EPG5: variants seen among roughly 807,000 people sequenced by gnomAD.
The protein encoded by EPG5 is ectopic P granules protein 5 homolog.
EPG5 carries 159 observed loss-of-function variants against 302.7 expected under a neutral mutation model. The ratio of observed to expected loss-of-function variants is 0.53; its 90% CI spans 0.46 to 0.60. The LOEUF (loss-of-function observed/expected upper bound fraction) is 0.60, where lower values mean the gene tolerates loss of function less well. Among genes scored for constraint, EPG5 ranks in the 20% least tolerant of loss-of-function variants. The pLI is 0.00. For synonymous variants in EPG5, 1,158 were observed against 1,136.8 expected, an observed-to-expected ratio of 1.02 and a Z score of -0.37; for missense variants, 2,896 against 3,092.4, an observed-to-expected ratio of 0.94 and a Z score of 1.51.
intron 27 of EPG5, among the ~76,000 whole-genome samples, chr18:45,893,860 T>C (rs911940809): frequency 6.6e-6 from 1 of 152,194 alleles, no homozygotes; most frequent in East Asian, 1.9e-4. Context: ...AAAGTTCCAA[T>C]TTCCATGATG....
chr18:45,868,670 A>G (rs1308820116), intron 36 of EPG5, among the ~76,000 whole-genome samples: 2 of 149,008 alleles, frequency 1.3e-5, no homozygotes, highest in Non-Finnish European at 3.0e-5. Context: ...CGCCCGGCCT[A>G]TATTCCCTTT....
rs200449609 is a variant in EPG5 at position 45,882,464 on chromosome 18, G to A, written c.5328C>T (p.Ser1776=). 194 of 1,613,272 alleles carry A rather than the reference G, an allele frequency of 1.2e-4. No individual in the cohort carries two copies. Among genetic ancestry groups the A allele is most frequent in the Non-Finnish European group, 1.6e-4 (185 of 1,179,762 alleles). ...LTKFDLKQWL[S]ATKPPLSDRT... is the part of the protein sequence containing the mutation. ...GATCAGACAGAGGAGGTTTAGTGGCGCTTAACCATTGTTTAAGATCGAACT... is the reference window on the plus strand; with the variant it reads ...GATCAGACAGAGGAGGTTTAGTGGCACTTAACCATTGTTTAAGATCGAACT... Residue 1776 remains serine (S), a synonymous_variant, in exon 31 of 44, where the codon AGC becomes AGT. Coordinates refer to ENST00000282041, the MANE Select transcript of EPG5 (RefSeq NM_020964.3).
the EPG5 span, among the ~76,000 whole-genome samples, chr18:45,800,949 G>A: frequency 6.6e-6 from 1 of 152,298 alleles, no homozygotes; most frequent in South Asian, 2.1e-4. Flanking sequence ...TTTGAAAGAG[G>A]TGGTGTATAG....
intron 10 of EPG5, among the ~76,000 whole-genome samples, chr18:45,938,846 T>A (rs1265656449): frequency 1.3e-5 from 2 of 152,028 alleles, no homozygotes; most frequent in Non-Finnish European, 2.9e-5. Context: ...CAACACAGAA[T>A]AAATCAGGGG....
rs556302361 is a variant in EPG5, at chr18:45,872,134, G to C, written c.6050-1392C>G. On this transcript the variant is annotated intron_variant, in intron 35 of 43. Coordinates refer to ENST00000282041, the MANE Select transcript of EPG5 (RefSeq NM_020964.3). ...ATGACTAAAACTTAATTAACCCTTG[G>C]TGCAATGAAACTAGTCCATTAACTG... is the stretch of plus-strand genomic sequence containing the variant. Among the ~76,000 whole-genome samples, 11 of 152,182 alleles carry C rather than the reference G, an allele frequency of 7.2e-5. No individual in the cohort carries two copies. The South Asian group carries it at 2.1e-3, about 29-fold the overall frequency.
At chr18:45,884,537 G>A (rs571772034) in intron 30 of EPG5, 80 bp downstream of exon 30, 1 of 1,323,454 alleles carries the variant, frequency 7.6e-7, no homozygotes, top group African/African-American at 1.5e-5. Flanking sequence ...AACTGCAGAG[G>A]TCCTTTTATT....
chr18:45,859,178 T>C (rs907174949), intron 40 of EPG5, among the ~76,000 whole-genome samples: 1 of 152,376 alleles, frequency 6.6e-6, no homozygotes. Context: ...TGAACACTTA[T>C]GCTTTCCGAC....
the EPG5 span, among the ~76,000 whole-genome samples, chr18:45,813,368 A>G: frequency 1.3e-5 from 2 of 152,336 alleles, no homozygotes; most frequent in Non-Finnish European, 2.9e-5. Flanking sequence ...CGATTTCTCA[A>G]GGATCTAGAG....
At chr18:45,825,142 G>A in the EPG5 span, among the ~76,000 whole-genome samples, 1 of 142,870 alleles carries the variant, frequency 7.0e-6, no homozygotes, top group African/African-American at 2.5e-5. Flanking sequence ...AAGGAGGGAG[G>A]GAGGGAGGGA....
chr18:45,943,397 G>A, intron 8 of EPG5, 86 bp from the exon 9 acceptor site: 3 of 1,174,444 alleles, frequency 2.6e-6, no homozygotes, highest in Non-Finnish European at 3.7e-6. Flanking sequence ...TTTTAATGAG[G>A]ACTCAAAGCC....
the EPG5 span, among the ~76,000 whole-genome samples, chr18:45,822,296 G>T: frequency 1.3e-5 from 2 of 152,134 alleles, no homozygotes; most frequent in African/African-American, 4.8e-5. Flanking sequence ...GAAACAAAAA[G>T]TTAAATACTG....
downstream of EPG5, among the ~76,000 whole-genome samples, chr18:45,846,650 G>C (rs1449641150): frequency 6.6e-6 from 1 of 152,030 alleles, no homozygotes; most frequent in Non-Finnish European, 1.5e-5. Context: ...TACCAGAAAG[G>C]GGTCCCGATC....
intron 27 of EPG5, among the ~76,000 whole-genome samples, chr18:45,896,388 C>A (rs1409377091): frequency 1.3e-5 from 2 of 152,164 alleles, no homozygotes; most frequent in Admixed American, 6.5e-5. Flanking sequence ...AAAAGTAAAA[C>A]CTGCTTTAAG....
At chr18:45,932,650 A>G (rs114969717) in intron 11 of EPG5, among the ~76,000 whole-genome samples, 559 of 152,342 alleles carry the variant, frequency 3.7e-3, no homozygotes, top group African/African-American at 0.013. Flanking sequence ...GATATATAAA[A>G]GATTAAGCAA....
intron 2 of EPG5, chr18:45,954,014 G>A: frequency 5.8e-6 from 4 of 686,348 alleles, no homozygotes; most frequent in Non-Finnish European, 7.2e-6. Context: ...CTGTCTGTAT[G>A]TGTCTGATTA....
chr18:45,889,346 T>C (rs901151353), intron 28 of EPG5, among the ~76,000 whole-genome samples: 6 of 152,224 alleles, frequency 3.9e-5, no homozygotes, highest in South Asian at 2.1e-4. Flanking sequence ...CCCTAAATAA[T>C]TGTGCTATGA....
chr18:45,810,164 G>A, the EPG5 span, among the ~76,000 whole-genome samples: 1 of 152,086 alleles, frequency 6.6e-6, no homozygotes, highest in Non-Finnish European at 1.5e-5. Context: ...GCTTAAATCA[G>A]GAAGAATTAA....
At chr18:45,879,875 A>G (rs1599478138) in intron 32 of EPG5, among the ~76,000 whole-genome samples, 200 bp downstream of exon 32, 3 of 152,224 alleles carry the variant, frequency 2.0e-5, no homozygotes, top group South Asian at 2.1e-4. Context: ...CTTGTCTTGG[A>G]TACATGGGCA....
intron 14 of EPG5, among the ~76,000 whole-genome samples, chr18:45,925,066 G>A (rs2145777959): frequency 6.6e-6 from 1 of 152,346 alleles, no homozygotes; most frequent in South Asian, 2.1e-4. Context: ...CCAATGCATA[G>A]TGTTTCAGAA....
Sources: gnomAD v4.1 joint callset for allele counts (sites outside exome capture counted in the v4.1 genomes callset) on GRCh38, gnomAD v4.1.1 for gene constraint, MANE v1.5 for transcripts, NCBI Gene and HGNC (gene_info 2026-07-23, HGNC 2026-07-21) for gene names.